Variants in TENM2 observed in about 807,000 individuals in gnomAD.
The protein encoded by TENM2 is teneurin-2.
TENM2 carries 52 observed loss-of-function variants against 245.2 expected under a neutral mutation model. The observed-to-expected ratio is 0.21, with a 90% CI of 0.17 to 0.27. The LOEUF is 0.27. Ranked by LOEUF, TENM2 falls within the 10% of genes least tolerant of loss-of-function variation. The probability of loss-of-function intolerance (pLI) is 1.00; values close to 1 mark genes in which losing one functional copy is unlikely to be tolerated. For missense variants in TENM2, 3,046 were observed against 3,666.8 expected (o/e 0.83, Z 4.37); for synonymous variants, 1,363 against 1,438.9 (o/e 0.95, Z 1.19).
chr5:167,952,977 T>A (rs548809804), intron 4 of TENM2, among the ~76,000 whole-genome samples, 155 bp downstream of exon 6: 2 of 152,302 alleles, frequency 1.3e-5, no homozygotes, highest in South Asian at 4.2e-4. Context: ...CCTTGGTAAT[T>A]TGACCCTGGA....
the TENM2 span, chr5:167,116,522 C>T: frequency 1.3e-5 from 2 of 152,132 alleles, no homozygotes; most frequent in East Asian, 1.9e-4. Flanking sequence ...ACAGGCCATC[C>T]GTTGAGCTGG....
At chr5:167,401,685 T>A (rs1762372487) in intron 2 of TENM2, among the ~76,000 whole-genome samples, 1 of 152,134 alleles carries the variant, frequency 6.6e-6, no homozygotes, top group Admixed American at 6.5e-5. Context: ...TAAATAATAT[T>A]TTTAAATCTA....
At chr5:167,015,975 C>T in the TENM2 span, among the ~76,000 whole-genome samples, 1 of 152,022 alleles carries the variant, frequency 6.6e-6, no homozygotes, top group Non-Finnish European at 1.5e-5. Flanking sequence ...AGAGAGGTGA[C>T]CAGGCACGGT....
chr5:167,367,985 T>A (rs540586161), intron 1 of TENM2, among the ~76,000 whole-genome samples: 1 of 152,248 alleles, frequency 6.6e-6, no homozygotes, highest in South Asian at 2.1e-4. Context: ...CATTCTTGAC[T>A]TTAAAATGTA....
chr5:167,175,397 A>G, the TENM2 span, among the ~76,000 whole-genome samples: 1 of 152,246 alleles, frequency 6.6e-6, no homozygotes, highest in Admixed American at 6.5e-5. Flanking sequence ...AAATGTAGCA[A>G]GAACCAAAGT....
chr5:167,496,530 G>T (rs1325067991), intron 2 of TENM2, among the ~76,000 whole-genome samples: 1 of 151,982 alleles, frequency 6.6e-6, no homozygotes, highest in Non-Finnish European at 1.5e-5. Context: ...AAAATTAATG[G>T]CTGTTACATG....
At chr5:167,678,009 A>G (rs1238811805) in intron 2 of TENM2, among the ~76,000 whole-genome samples, 1 of 152,026 alleles carries the variant, frequency 6.6e-6, no homozygotes, top group Non-Finnish European at 1.5e-5. Context: ...ATAATACTTA[A>G]AGACATGGAA....
At chr5:167,646,240 T>TTA (rs1779963881) in intron 2 of TENM2, among the ~76,000 whole-genome samples, 1 of 128,920 alleles carries the variant, frequency 7.8e-6, no homozygotes, top group Admixed American at 7.4e-5. Context: ...TGTTGTTTTC[T>TTA]TATATATATG....
At chr5:167,688,354 T>G (rs1023744895) in intron 2 of TENM2, among the ~76,000 whole-genome samples, 2 of 152,216 alleles carry the variant, frequency 1.3e-5, no homozygotes, top group African/African-American at 4.8e-5. Context: ...ATGATTCTCC[T>G]TGTGATTCCA....
In TENM2 at chr5:167,758,851, TTTCATGCTAGGACC is replaced by T. The variant is rs1249415239; in HGVS notation, c.503-117132_503-117119del. ...ATTGCCAGGTTTGGGTGTCATCTGC[TTTCATGCTAGGACC>T]TTGATTGATACAGAAACAGCTAAAG... On this transcript the variant is annotated intron_variant, in intron 2 of 28. Transcript: ENST00000518659. 2.9e-4 allele frequency among the ~76,000 whole-genome samples: 44 copies of T among 152,036 alleles called. 1 individual carries two copies. The highest frequency in any genetic ancestry group is 2.8e-3 in the Admixed American group (43 of 15,250).
chr5:167,059,816 G>A, the TENM2 span, among the ~76,000 whole-genome samples: 13 of 150,850 alleles, frequency 8.6e-5, no homozygotes, highest in East Asian at 2.4e-3. Context: ...CGATTCTCCT[G>A]CCTCACCCTC....
At chr5:168,041,525 C>T (rs1788186186) in intron 5 of TENM2, among the ~76,000 whole-genome samples, 1 of 152,196 alleles carries the variant, frequency 6.6e-6, no homozygotes, top group Non-Finnish European at 1.5e-5. Flanking sequence ...TATGTCTTTG[C>T]TCAAATGTTA....
chr5:167,176,414 T>C, the TENM2 span, among the ~76,000 whole-genome samples: 1 of 152,214 alleles, frequency 6.6e-6, no homozygotes, highest in Non-Finnish European at 1.5e-5. Context: ...ATTTTATCAT[T>C]CTATCTAACT....
intron 1 of TENM2, among the ~76,000 whole-genome samples, chr5:167,370,046 TA>T (rs1386200375): frequency 6.6e-6 from 1 of 152,004 alleles, no homozygotes; most frequent in African/African-American, 2.4e-5. Flanking sequence ...AATTTCTCTC[TA>T]AAAAAGGCAT....
At chr5:167,401,487 A>G (rs1762363596) in intron 2 of TENM2, among the ~76,000 whole-genome samples, 1 of 152,164 alleles carries the variant, frequency 6.6e-6, no homozygotes, top group Non-Finnish European at 1.5e-5. Context: ...TTGAACAAGA[A>G]GTCTTTAAAT....
In TENM2 at chr5:167,353,759, G is replaced by T. The variant is rs373840457; in HGVS notation, c.227-21439G>T. Among the ~76,000 whole-genome samples the T allele has an allele frequency of 2.0e-5, 3 of 151,758 alleles. No homozygotes were observed. In the East Asian group the frequency reaches 5.8e-4, roughly 29 times the overall value. On this transcript the variant is annotated intron_variant, in intron 1 of 28. Transcript: ENST00000518659. ...CCTGACCTCGTGATCCGCCCGCCTCGGCCTCCCAAAGTGCTGGGATTACAG... is the reference window on the plus strand; with the variant it reads ...CCTGACCTCGTGATCCGCCCGCCTCTGCCTCCCAAAGTGCTGGGATTACAG...
intron 20 of TENM2, chr5:168,214,838 A>G: frequency 1.5e-6 from 1 of 673,008 alleles, no homozygotes; most frequent in Non-Finnish European, 2.7e-6. Context: ...TAATAGCATA[A>G]GAAGCATAAG....
chr5:167,831,377 C>T (rs1462421530), intron 2 of TENM2, among the ~76,000 whole-genome samples: 1 of 152,008 alleles, frequency 6.6e-6, no homozygotes, highest in Admixed American at 6.6e-5. Flanking sequence ...ATCTTCAGGT[C>T]CTCTGAGGTC....
chr5:167,073,454 C>G, the TENM2 span, among the ~76,000 whole-genome samples: 1 of 152,264 alleles, frequency 6.6e-6, no homozygotes, highest in Non-Finnish European at 1.5e-5. Flanking sequence ...CAAAATAGGG[C>G]TTTTCCAGCT....
Sources: allele counts gnomAD v4.1 joint callset (sites outside exome capture counted in the v4.1 genomes callset), GRCh38; gene constraint gnomAD v4.1.1; transcripts MANE v1.5; gene names NCBI Gene and HGNC (gene_info 2026-07-23, HGNC 2026-07-21).